IL1RAPL2: variants seen among roughly 807,000 people sequenced by gnomAD.
IL1RAPL2 encodes interleukin 1 receptor accessory protein like 2.
IL1RAPL2 carries 3 observed loss-of-function variants against 44.1 expected under a neutral mutation model. That is an observed-to-expected ratio of 0.07 (90% CI 0.03 to 0.18). IL1RAPL2 has a LOEUF of 0.18. Ranked by LOEUF, IL1RAPL2 falls within the 10% of genes least tolerant of loss-of-function variation. IL1RAPL2 has a pLI of 1.00. For missense variants in IL1RAPL2, 391 were observed against 496.4 expected (o/e 0.79, Z 2.02); for synonymous variants, 181 against 178.8 (o/e 1.01, Z -0.10).
intron 2 of IL1RAPL2, among the ~76,000 whole-genome samples, chrX:105,034,013 C>T (rs2031569956): frequency 8.9e-6 from 1 of 112,081 alleles, no homozygotes; most frequent in Admixed American, 9.5e-5. Context: ...CAGTTGATTG[C>T]AATGGCTCCT....
chrX:105,463,570 C>CCACACA (rs55781747), intron 5 of IL1RAPL2, among the ~76,000 whole-genome samples: 3 of 98,631 alleles, frequency 3.0e-5, no homozygotes, highest in Non-Finnish European at 6.2e-5. Flanking sequence ...TCTCTCTCTC[C>CCACACA]CACACACACA....
At chrX:104,859,421 C>A (rs1031390386) in intron 2 of IL1RAPL2, among the ~76,000 whole-genome samples, 9 of 67 alleles carry the variant, frequency 0.13, no homozygotes, top group Non-Finnish European at 0.22. Context: ...TGTAATCTTA[C>A]CGACTTAGTT....
intron 6 of IL1RAPL2, among the ~76,000 whole-genome samples, chrX:105,703,004 TAGAA>T (rs1378520336): frequency 2.7e-5 from 3 of 111,510 alleles, no homozygotes; most frequent in African/African-American, 9.7e-5. Flanking sequence ...CTATAAAAAA[TAGAA>T]AGCACTTCAA....
At chrX:104,784,758 T>A (rs960868256) in intron 2 of IL1RAPL2, among the ~76,000 whole-genome samples, 1 of 107,687 alleles carries the variant, frequency 9.3e-6, no homozygotes, top group South Asian at 4.2e-4. Flanking sequence ...TTATATCTTC[T>A]TTGACATCTT....
intron 2 of IL1RAPL2, among the ~76,000 whole-genome samples, chrX:105,148,365 G>A (rs140469834): frequency 0.03 from 3,337 of 111,717 alleles, 156 homozygotes; most frequent in African/African-American, 0.1. Flanking sequence ...TTGGTTGACA[G>A]CATACAAAGG....
In IL1RAPL2 at chrX:105,766,989, T is replaced by C. The variant is rs754199851; in HGVS notation, c.1389T>C (p.Tyr463=). The C allele has an allele frequency of 1.0e-5, 12 of 1,202,745 alleles. No individual in the cohort carries two copies. Among genetic ancestry groups the C allele is most frequent in the Non-Finnish European group, 3.4e-6 (3 of 889,724 alleles). The change falls in exon 11 of 11, where the codon TAT becomes TAC. Residue 463 remains tyrosine (Y), a synonymous_variant. Transcript: ENST00000372582. ...SGTYMEDLTR[Y]VEQSRRLIIV... The stretch of plus-strand genomic sequence containing the variant: ...CATACATGGAAGATCTCACAAGATA[T>C]GTTGAACAAAGCAGAAGACTTATTA...
intron 4 of IL1RAPL2, among the ~76,000 whole-genome samples, chrX:105,253,190 T>A (rs1358425188): frequency 8.9e-6 from 1 of 111,956 alleles, no homozygotes; most frequent in Non-Finnish European, 1.9e-5. Flanking sequence ...CCATTATGCC[T>A]ATTTTACACC....
intron 2 of IL1RAPL2, among the ~76,000 whole-genome samples, chrX:105,155,472 T>A (rs1042258958): frequency 6.3e-5 from 7 of 111,108 alleles, no homozygotes; most frequent in African/African-American, 2.0e-4. Flanking sequence ...TGGACCATTA[T>A]TGTAGGAAAA....
chrX:105,746,084 A>T (rs1220983651), intron 8 of IL1RAPL2, among the ~76,000 whole-genome samples: 1 of 111,772 alleles, frequency 8.9e-6, no homozygotes, highest in African/African-American at 3.3e-5. Flanking sequence ...GGATCTCCTA[A>T]CCTGCTTCCC....
At chrX:105,132,307 A>G in intron 2 of IL1RAPL2, among the ~76,000 whole-genome samples, 1 of 111,148 alleles carries the variant, frequency 9.0e-6, no homozygotes, top group East Asian at 2.8e-4. Flanking sequence ...AAATTCAACC[A>G]GAATGTTGTC....
chrX:105,161,126 C>T (rs1015236016), intron 2 of IL1RAPL2, among the ~76,000 whole-genome samples: 7 of 110,237 alleles, frequency 6.3e-5, no homozygotes, highest in Non-Finnish European at 1.1e-4. Flanking sequence ...CCTGTGGTCT[C>T]AGCTACTCAA....
At chrX:104,707,135 A>G (rs1931375198) in intron 2 of IL1RAPL2, among the ~76,000 whole-genome samples, 1 of 111,503 alleles carries the variant, frequency 9.0e-6, no homozygotes, top group Non-Finnish European at 1.9e-5. Context: ...TTAACAAAGT[A>G]TAAAGGGACT....
At chrX:105,077,610 A>G (rs991373520) in intron 2 of IL1RAPL2, among the ~76,000 whole-genome samples, 1 of 111,420 alleles carries the variant, frequency 9.0e-6, no homozygotes, top group Non-Finnish European at 1.9e-5. Flanking sequence ...GATTGGGGAA[A>G]TTCTCCTGGA....
Position 104,738,916 on chromosome X carries a change from G to A in IL1RAPL2, c.82+79921G>A, listed in dbSNP as rs751402817. Among the ~76,000 whole-genome samples the A allele has an allele frequency of 2.7e-5, 3 of 112,163 alleles. No homozygotes were observed. The South Asian group carries it at 1.1e-3, about 42-fold the overall frequency. ...TATTGCACCACTGCATTCCATCCTGGGTGACAGAGCAAGACCCTGTCTCTT... is the reference window on the plus strand; with the variant it reads ...TATTGCACCACTGCATTCCATCCTGAGTGACAGAGCAAGACCCTGTCTCTT... On this transcript the variant is annotated intron_variant, in intron 2 of 10. Transcript: ENST00000372582.
intron 2 of IL1RAPL2, among the ~76,000 whole-genome samples, chrX:105,056,151 C>A (rs2031990280): frequency 9.0e-6 from 1 of 111,520 alleles, no homozygotes; most frequent in African/African-American, 3.3e-5. Context: ...GTAGCTCCAA[C>A]TAAAAATAAT....
chrX:105,569,054 C>A (rs775169896), intron 6 of IL1RAPL2, among the ~76,000 whole-genome samples: 3 of 111,429 alleles, frequency 2.7e-5, no homozygotes, highest in African/African-American at 9.7e-5. Context: ...TAATTTATTG[C>A]TGAATGGTTG....
intron 2 of IL1RAPL2, among the ~76,000 whole-genome samples, chrX:104,794,427 C>G (rs1412600089): frequency 9.1e-6 from 1 of 110,332 alleles, no homozygotes; most frequent in Non-Finnish European, 1.9e-5. Flanking sequence ...TTTTTTCTAC[C>G]AGTTTGGTGG....
Position 104,816,227 on chromosome X carries a change from G to A in IL1RAPL2, c.82+157232G>A, listed in dbSNP as rs929165583. Among the ~76,000 whole-genome samples, 3 of 111,942 alleles carry A rather than the reference G, an allele frequency of 2.7e-5. No individual in the cohort carries two copies. The Admixed American group carries it at 2.8e-4, about 11-fold the overall frequency. ...GGATTTAATTTTTATGTGGGCTACA[G>A]TGTAATTCTAATTCATGACTATAGT... On this transcript the variant is annotated intron_variant, in intron 2 of 10. Coordinates refer to ENST00000372582, the MANE Select transcript of IL1RAPL2 (RefSeq NM_017416.2).
intron 5 of IL1RAPL2, among the ~76,000 whole-genome samples, chrX:105,395,322 C>T (rs1256175464): frequency 9.2e-6 from 1 of 109,138 alleles, no homozygotes; most frequent in East Asian, 2.9e-4. Context: ...AGGGTTCTCA[C>T]ATATATCCTC....
Sources: gnomAD v4.1 joint callset for allele counts (sites outside exome capture counted in the v4.1 genomes callset) on GRCh38, gnomAD v4.1.1 for gene constraint, MANE v1.5 for transcripts, NCBI Gene and HGNC (gene_info 2026-07-23, HGNC 2026-07-21) for gene names.